The following PALM2AKAP2 variants were observed in gnomAD, a reference collection of about 807,000 sequenced individuals.
PALM2AKAP2 encodes PALM2 and AKAP2 fusion.
In PALM2AKAP2, 37 loss-of-function variants were observed where a neutral mutation model predicts 71.5. The ratio of observed to expected loss-of-function variants is 0.52; its 90% CI spans 0.40 to 0.68. The LOEUF is 0.68. Among genes scored for constraint, PALM2AKAP2 ranks in the 30% least tolerant of loss-of-function variants. The pLI, the probability that PALM2AKAP2 is intolerant of heterozygous loss-of-function variation, is 0.00. For synonymous variants in PALM2AKAP2, 468 were observed against 478.8 expected, an observed-to-expected ratio of 0.98 and a Z score of 0.29; for missense variants, 1,224 against 1,191.8, an observed-to-expected ratio of 1.03 and a Z score of -0.40.
At chr9:110,097,429 G>A (rs1343384219) in intron 1 of PALM2AKAP2, among the ~76,000 whole-genome samples, 10 of 150,754 alleles carry the variant, frequency 6.6e-5, no homozygotes, top group African/African-American at 2.5e-4. Flanking sequence ...CCACAAAACT[G>A]CCATTGTCAT....
At chr9:110,017,175 A>G (rs1325003523) in intron 7 of PALM2AKAP2, among the ~76,000 whole-genome samples, 1 of 152,182 alleles carries the variant, frequency 6.6e-6, no homozygotes, top group East Asian at 1.9e-4. Context: ...CAAACTGGAG[A>G]TATTTCTCTC....
intron 6 of PALM2AKAP2, among the ~76,000 whole-genome samples, chr9:110,005,153 G>C (rs1003529619): frequency 2.6e-5 from 4 of 152,056 alleles, no homozygotes; most frequent in African/African-American, 9.7e-5. Flanking sequence ...CCATCTTTGT[G>C]GTTTTATCTA....
chr9:110,128,888 G>A (rs1202275193), intron 1 of PALM2AKAP2, among the ~76,000 whole-genome samples: 2 of 152,252 alleles, frequency 1.3e-5, no homozygotes, highest in African/African-American at 4.8e-5. Flanking sequence ...ACCCTGGGCA[G>A]AAAGAACACA....
chr9:109,804,211 A>T (rs1827514841), intron 1 of PALM2AKAP2, among the ~76,000 whole-genome samples: 2 of 151,898 alleles, frequency 1.3e-5, no homozygotes, highest in Admixed American at 1.3e-4. Flanking sequence ...ACAGATTACC[A>T]TCTCCTGCAG....
At chr9:109,685,515 T>C (rs907555097) in intron 1 of PALM2AKAP2, among the ~76,000 whole-genome samples, 4 of 152,162 alleles carry the variant, frequency 2.6e-5, no homozygotes, top group African/African-American at 9.7e-5. Flanking sequence ...AGTTATAGTA[T>C]ACTATACTGT....
intron 1 of PALM2AKAP2, among the ~76,000 whole-genome samples, chr9:109,746,863 A>G (rs1828811509): frequency 6.6e-6 from 1 of 152,210 alleles, no homozygotes; most frequent in Non-Finnish European, 1.5e-5. Context: ...GCAGCAGCCT[A>G]GAGTTCAAAT....
At chr9:109,668,531 A>C (rs1369150259) in intron 1 of PALM2AKAP2, among the ~76,000 whole-genome samples, 1 of 152,208 alleles carries the variant, frequency 6.6e-6, no homozygotes, top group Non-Finnish European at 1.5e-5. Context: ...ATGTATTGGG[A>C]GATTAATTAT....
intron 1 of PALM2AKAP2, among the ~76,000 whole-genome samples, chr9:109,811,361 A>G (rs999661460): frequency 2.0e-5 from 3 of 152,012 alleles, no homozygotes; most frequent in South Asian, 4.1e-4. Flanking sequence ...TCAGAGAGGG[A>G]CATGAGGTGG....
At chr9:110,065,543 G>A (rs1056967481) in intron 1 of PALM2AKAP2, among the ~76,000 whole-genome samples, 1 of 152,126 alleles carries the variant, frequency 6.6e-6, no homozygotes, top group Non-Finnish European at 1.5e-5. Flanking sequence ...CATTTTAATT[G>A]TGTGACATAA....
intron 1 of PALM2AKAP2, among the ~76,000 whole-genome samples, chr9:109,789,911 A>G (rs145104857): frequency 6.6e-6 from 1 of 152,316 alleles, no homozygotes; most frequent in East Asian, 1.9e-4. Context: ...AAAGGGAGAC[A>G]GACTGACAGA....
intron 1 of PALM2AKAP2, among the ~76,000 whole-genome samples, chr9:109,701,511 T>C (rs1441465187): frequency 6.6e-6 from 1 of 152,208 alleles, no homozygotes; most frequent in Non-Finnish European, 1.5e-5. Context: ...ACCTATTTAA[T>C]AAATGATGCT....
intron 1 of PALM2AKAP2, among the ~76,000 whole-genome samples, chr9:110,095,652 G>A (rs917608660): frequency 1.3e-5 from 2 of 152,084 alleles, no homozygotes; most frequent in African/African-American, 2.4e-5. Flanking sequence ...AGTAGGAGAC[G>A]GGGAAGAAGA....
intron 1 of PALM2AKAP2, among the ~76,000 whole-genome samples, chr9:109,805,813 C>G (rs1299848083): frequency 6.6e-6 from 1 of 152,228 alleles, no homozygotes; most frequent in East Asian, 1.9e-4. Flanking sequence ...AATTAGGATA[C>G]ATTTGCTAAA....
chr9:109,927,578 T>A (rs1464369234), intron 5 of PALM2AKAP2, among the ~76,000 whole-genome samples: 1 of 152,110 alleles, frequency 6.6e-6, no homozygotes, highest in African/African-American at 2.4e-5. Flanking sequence ...AATGACCCCA[T>A]CTCAGGTAAC....
intron 2 of PALM2AKAP2, among the ~76,000 whole-genome samples, chr9:110,151,824 C>T (rs1178102959): frequency 6.6e-6 from 1 of 152,230 alleles, no homozygotes; most frequent in Non-Finnish European, 1.5e-5. Context: ...TATACCTGTT[C>T]CCTGCTCTGT....
Position 110,116,105 on chromosome 9 carries a change from C to CCA in PALM2AKAP2, c.157-20020_157-20019dup, listed in dbSNP as rs1835355593. ...ACCACTGACCTTAGACCCTCAGGCT[C>CCA]CACCGGATGGATAGGAATTGAGTAA... On this transcript the variant is annotated intron_variant, in intron 1 of 3. Coordinates refer to ENST00000374525, the Ensembl canonical transcript of PALM2AKAP2. 2.6e-5 allele frequency among the ~76,000 whole-genome samples: 4 copies of CCA among 152,228 alleles called. No individual in the cohort carries two copies. In the South Asian group the frequency reaches 8.3e-4, roughly 32 times the overall value.
Position 110,088,705 on chromosome 9 carries a change from T to TTTG in PALM2AKAP2, c.156+39852_156+39853insGTT, listed in dbSNP as rs1467313615. Among the ~76,000 whole-genome samples the TTTG allele has an allele frequency of 8.3e-3, 257 of 30,988 alleles. 7 individuals are homozygous for TTTG. Among genetic ancestry groups the TTTG allele is most frequent in the Non-Finnish European group, 0.013 (197 of 15,170 alleles). 20.3% of individuals were successfully genotyped at this position (30,988 alleles called of 152,430 possible). A position where few individuals can be genotyped will look rare whatever the true frequency, so the allele number is the denominator to read the frequency against. ...GCTATTAAAGTTTGCATTTACGTGTTTTTTTTTTTTTTTTTTTTTTTTTTT... is the reference window on the plus strand; with the variant it reads ...GCTATTAAAGTTTGCATTTACGTGTTTTGTTTTTTTTTTTTTTTTTTTTTTTTT... On this transcript the variant is annotated intron_variant, in intron 1 of 3. Coordinates refer to ENST00000374525, the Ensembl canonical transcript of PALM2AKAP2.
At chr9:109,640,907 G>T in intron 1 of PALM2AKAP2, 2 of 1,502,730 alleles carry the variant, frequency 1.3e-6, no homozygotes, top group Non-Finnish European at 1.8e-6. Flanking sequence ...CTCTCCTCTC[G>T]GCATGTTGCC....
chr9:109,887,401 C>T (rs535524785), intron 3 of PALM2AKAP2, among the ~76,000 whole-genome samples: 1 of 152,346 alleles, frequency 6.6e-6, no homozygotes, highest in South Asian at 2.1e-4. Context: ...GGGGTCCCCA[C>T]CCCACGTTCA....
Sources: allele counts gnomAD v4.1 joint callset (sites outside exome capture counted in the v4.1 genomes callset), GRCh38; gene constraint gnomAD v4.1.1; transcripts MANE v1.5; gene names NCBI Gene and HGNC (gene_info 2026-07-23, HGNC 2026-07-21).